EPHB6: variants seen among roughly 807,000 people sequenced by gnomAD.
The protein encoded by EPHB6 is EPH receptor B6.
Under a neutral mutation model 107.0 loss-of-function variants are expected in EPHB6, and 51 were observed. The observed-to-expected ratio is 0.48, with a 90% CI of 0.38 to 0.60. EPHB6 has a LOEUF of 0.60. Among genes scored for constraint, EPHB6 ranks in the 20% least tolerant of loss-of-function variants. EPHB6 has a pLI of 0.00. For synonymous variants in EPHB6, 553 were observed against 549.0 expected (o/e 1.01, Z -0.10); for missense variants, 1,141 against 1,355.5 (o/e 0.84, Z 2.48).
chr7:142,857,533 T>A (rs1248993370), intron 1 of EPHB6, among the ~76,000 whole-genome samples: 1 of 152,232 alleles, frequency 6.6e-6, no homozygotes, highest in Non-Finnish European at 1.5e-5. Flanking sequence ...CCTGTGGTAC[T>A]GACCCCTCCC....
In EPHB6 at chr7:142,864,767, T is replaced by C. The variant is rs751882137; in HGVS notation, c.949+18T>C. 2.5e-6 allele frequency: 4 copies of C among 1,612,642 alleles called. No homozygotes were observed. In the East Asian group the frequency reaches 8.9e-5, roughly 36 times the overall value. ...CTGCCAAGGTGAGAGCCCACTCGTCTTGCACTTGCCCGACACCTCCCACCC... is the reference window on the plus strand; with the variant it reads ...CTGCCAAGGTGAGAGCCCACTCGTCCTGCACTTGCCCGACACCTCCCACCC... On this transcript the variant is annotated intron_variant, in intron 7 of 19. Coordinates refer to ENST00000652003, the MANE Select transcript of EPHB6 (RefSeq NM_004445.6).
At chr7:142,870,432 G>T (rs762085107) in intron 18 of EPHB6, 25 bp downstream of exon 18, 7 of 1,613,832 alleles carry the variant, frequency 4.3e-6, no homozygotes, top group Non-Finnish European at 5.1e-6. Flanking sequence ...GCTAGAGCCT[G>T]GGAAAGCCAG....
Position 142,864,129 on chromosome 7 carries a change from C to T in EPHB6, c.329C>T (p.Ser110Phe). ...AGGGCGCACATTCGACTCCACTTCT[C>T]TGTGCGGGCATGCTCCAGCCTGGGT... ...AQRAHIRLHF[S>F]VRACSSLGVS... Residue 110 changes from serine (S) to phenylalanine (F), a missense_variant, in exon 7 of 20, where the codon TCT becomes TTT. Physicochemically the swap from Ser to Phe is radical, Grantham distance 155. Around this residue, in one of 3 missense-constraint regions of EPHB6, gnomAD observed 221 missense variants for 300.5 expected, o/e 0.74. Coordinates refer to ENST00000652003, the MANE Select transcript of EPHB6 (RefSeq NM_004445.6). The T allele has an allele frequency of 1.9e-6, 3 of 1,614,052 alleles. No individual in the cohort carries two copies. The highest frequency in any genetic ancestry group is 2.5e-6 in the Non-Finnish European group (3 of 1,180,042).
chr7:142,868,993 G>A lies in EPHB6; in HGVS notation c.2306G>A (p.Ser769Asn), dbSNP rs1172153342. Residue 769 changes from serine to asparagine, a missense_variant, in exon 16 of 20, where the codon AGC becomes AAC. Ser to Asn is a conservative substitution (Grantham distance 46). This residue lies in a region of EPHB6 where 616 missense variants were observed against 759.3 expected (regional missense o/e 0.81). Coordinates refer to ENST00000652003, the MANE Select transcript of EPHB6 (RefSeq NM_004445.6). The surrounding 1 kb of genome is among the most constrained non-coding windows in gnomAD (Gnocchi z 4.2). ...CCTCAGCAGCGGGAGGGCCAGTTCA[G>A]CAGCCTGCAGCTGGTGGCCATGCAG... The part of the protein sequence containing the change: ...SFLRQREGQF[S>N]SLQLVAMQRG... 6.2e-7 allele frequency: 1 copy of A among 1,610,250 alleles called. No homozygotes were observed. The highest frequency in any genetic ancestry group is 8.5e-7 in the Non-Finnish European group (1 of 1,179,892).
At position 142,866,960 on chromosome 7, in the gene EPHB6, G is replaced by A. The variant is rs1239476843; in HGVS notation, c.1642G>A (p.Val548Met). 5 of 1,614,130 alleles carry A rather than the reference G, an allele frequency of 3.1e-6. No individual in the cohort carries two copies. Among genetic ancestry groups the A allele is most frequent in the South Asian group, 1.1e-5 (1 of 91,074 alleles). Residue 548 changes from valine to methionine, a missense_variant, in exon 11 of 20, where the codon GTG (valine) becomes ATG (methionine). By Grantham distance (21) the Val-to-Met change is conservative (BLOSUM62 1). Transcript: ENST00000652003. The surrounding 1 kb of genome is among the most constrained non-coding windows in gnomAD (Gnocchi z 5.2). Reference sequence around the variant, plus strand: ...GACCAGCGAGACCAACACTGCCACCGTGACACAGCTGAGCCCTGGCCACAT... The same window carrying A: ...GACCAGCGAGACCAACACTGCCACCATGACACAGCTGAGCCCTGGCCACAT... The part of the protein sequence containing the change: ...TLTSETNTAT[V>M]TQLSPGHIYG...
intron 17 of EPHB6, 101 bp from the exon 18 acceptor site, chr7:142,870,113 A>T (rs1794827109): frequency 1.3e-6 from 2 of 1,584,554 alleles, no homozygotes; most frequent in Non-Finnish European, 1.7e-6. Context: ...CTCCACTCCA[A>T]CCTCATGCTC....
At chr7:142,859,768 T>G (rs1238466310) in intron 1 of EPHB6, among the ~76,000 whole-genome samples, 1 of 152,260 alleles carries the variant, frequency 6.6e-6, no homozygotes, top group Non-Finnish European at 1.5e-5. Context: ...TCTTTGTTCT[T>G]AGTAAAATTT....
At position 142,865,505 on chromosome 7, in the gene EPHB6, C is replaced by G; in HGVS notation, c.980C>G (p.Ala327Gly). 6.2e-7 allele frequency: 1 copy of G among 1,613,320 alleles called. No homozygotes were observed. Among genetic ancestry groups the G allele is most frequent in the Non-Finnish European group, 8.5e-7 (1 of 1,180,002 alleles). ...CCACGGGGGCTCTATAAGGCTTCTG[C>G]TGGGAATGCTCCCTGCTCACCATGC... ...ACPRGLYKASAGNAPCSPCPA... is the reference protein window; with the variant it reads ...ACPRGLYKASGGNAPCSPCPA... The change falls in exon 8 of 20, where the codon GCT becomes GGT. Residue 327 changes from alanine to glycine, a missense_variant. By Grantham distance (60) the Ala-to-Gly change is moderately conservative. Coordinates refer to ENST00000652003, the MANE Select transcript of EPHB6 (RefSeq NM_004445.6).
At position 142,864,556 on chromosome 7, in the gene EPHB6, G is replaced by A; in HGVS notation, c.756G>A (p.Gly252=). The change falls in exon 7 of 20, where the codon GGG becomes GGA. Residue 252 remains glycine (G), a synonymous_variant. Coordinates refer to ENST00000652003, the MANE Select transcript of EPHB6 (RefSeq NM_004445.6). ...SFPETQASGA[G]GASLVAAVGT... is the part of the protein sequence containing the mutation. ...CAGAGACGCAGGCCAGTGGGGCTGG[G>A]GGGGCCTCCCTGGTGGCAGCTGTGG... is the stretch of plus-strand genomic sequence containing the variant. 6.2e-7 allele frequency: 1 copy of A among 1,613,250 alleles called. No homozygotes were observed.
intron 5 of EPHB6, 134 bp downstream of exon 5, chr7:142,863,461 A>G: frequency 8.5e-7 from 1 of 1,171,904 alleles, no homozygotes; most frequent in Non-Finnish European, 1.3e-6. Flanking sequence ...AGGATAATGA[A>G]GACCCACATC....
intron 3 of EPHB6, among the ~76,000 whole-genome samples, chr7:142,862,482 C>T (rs1802887408): frequency 6.6e-6 from 1 of 152,224 alleles, no homozygotes; most frequent in South Asian, 2.1e-4. Flanking sequence ...CTCCATAGCT[C>T]TGCCCCCTCC....
At position 142,868,045 on chromosome 7, in the gene EPHB6, C is replaced by T. The variant is rs762514667; in HGVS notation, c.1914C>T (p.Ser638=). Residue 638 remains serine (S), a synonymous_variant, in exon 13 of 20, where the codon AGC becomes AGT. Coordinates refer to ENST00000652003, the MANE Select transcript of EPHB6 (RefSeq NM_004445.6). This position sits in a 1 kb window ranked among gnomAD's most constrained non-coding sequence, Gnocchi z 4.2. The stretch of plus-strand genomic sequence containing the variant: ...CAGAGCAGCTGCAGCAATACAGCAG[C>T]CCAGGTGGGGATGAGGAGAGGAAAT... ...GYTEQLQQYS[S]PGLGVKYYID... is the part of the protein sequence containing the mutation. 5 of 1,600,368 alleles carry T rather than the reference C, an allele frequency of 3.1e-6. No individual in the cohort carries two copies. Among genetic ancestry groups the T allele is most frequent in the Non-Finnish European group, 4.3e-6 (5 of 1,173,374 alleles).
intron 1 of EPHB6, among the ~76,000 whole-genome samples, chr7:142,859,091 G>A (rs1178124365): frequency 6.6e-6 from 1 of 152,156 alleles, no homozygotes; most frequent in East Asian, 1.9e-4. Flanking sequence ...TTTTTCTAAA[G>A]GAGATAAGTT....
chr7:142,866,958 C>T lies in EPHB6; in HGVS notation c.1640C>T (p.Thr547Ile). 1 of 1,614,150 alleles carries T rather than the reference C, an allele frequency of 6.2e-7. No individual in the cohort carries two copies. The highest frequency in any genetic ancestry group is 1.1e-5 in the South Asian group (1 of 91,072). ...FTLTSETNTA[T>I]VTQLSPGHIY... ...CTGACCAGCGAGACCAACACTGCCACCGTGACACAGCTGAGCCCTGGCCAC... is the reference window on the plus strand; with the variant it reads ...CTGACCAGCGAGACCAACACTGCCATCGTGACACAGCTGAGCCCTGGCCAC... The change falls in exon 11 of 20, where the codon ACC becomes ATC. Residue 547 changes from threonine (T) to isoleucine (I), a missense_variant. Physicochemically the swap from Thr to Ile is moderately conservative, Grantham distance 89. Around this residue, in one of 3 missense-constraint regions of EPHB6, gnomAD observed 616 missense variants for 759.3 expected, o/e 0.81. Transcript: ENST00000652003. This position sits in a 1 kb window ranked among gnomAD's most constrained non-coding sequence, Gnocchi z 5.2.
Position 142,870,539 on chromosome 7 carries a change from G to C in EPHB6, c.2814G>C (p.Gln938His). The change falls in exon 19 of 20, where the codon CAG becomes CAC. Residue 938 changes from glutamine (Q) to histidine (H), a missense_variant. Coordinates refer to ENST00000652003, the MANE Select transcript of EPHB6 (RefSeq NM_004445.6). ...GCCCCTCCCCTCTTAGGCCTTCCCA[G>C]GCCCTTCTGACCCCTGTGGCCCTGG... ...AGGDPGERPS[Q>H]ALLTPVALDF... 1.2e-6 allele frequency: 2 copies of C among 1,614,218 alleles called. No homozygotes were observed. The highest frequency in any genetic ancestry group is 2.2e-5 in the East Asian group (1 of 44,880).
Position 142,869,236 on chromosome 7 carries a change from A to G in EPHB6, c.2460+89A>G. The G allele has an allele frequency of 6.8e-7, 1 of 1,465,902 alleles. No homozygotes were observed. Among genetic ancestry groups the G allele is most frequent in the Non-Finnish European group, 9.4e-7 (1 of 1,063,168 alleles). 90.8% of individuals were successfully genotyped at this position (1,465,902 alleles called of 1,614,324 possible). ...TCGGGGGTGAGCTGGAATCTGGGGT[A>G]GGTACCTCAGCCGGGGTGTCATAGT... On this transcript the variant is annotated intron_variant, in intron 16 of 19. Coordinates refer to ENST00000652003, the MANE Select transcript of EPHB6 (RefSeq NM_004445.6). This position sits in a 1 kb window ranked among gnomAD's most constrained non-coding sequence, Gnocchi z 4.5.
At chr7:142,861,477 T>C (rs925510992) in intron 2 of EPHB6, among the ~76,000 whole-genome samples, 1 of 152,224 alleles carries the variant, frequency 6.6e-6, no homozygotes, top group Admixed American at 6.5e-5. Context: ...TTGCACTGGG[T>C]CTCAGTCCAC....
chr7:142,858,916 C>T (rs1158413092), intron 1 of EPHB6, among the ~76,000 whole-genome samples: 1 of 152,116 alleles, frequency 6.6e-6, no homozygotes, highest in Non-Finnish European at 1.5e-5. Flanking sequence ...AGTGATATAT[C>T]TATAAAAGAA....
At position 142,870,834 on chromosome 7, in the gene EPHB6, A is replaced by C. The variant is rs1214820807; in HGVS notation, c.2999A>C (p.Gln1000Pro). 2 of 1,613,990 alleles carry C rather than the reference A, an allele frequency of 1.2e-6. No individual in the cohort carries two copies. Among genetic ancestry groups the C allele is most frequent in the Non-Finnish European group, 1.7e-6 (2 of 1,179,986 alleles). The change falls in exon 20 of 20, where the codon CAG (glutamine) becomes CCG (proline). Residue 1000 changes from glutamine to proline, a missense_variant. Transcript: ENST00000652003. ...CTGGGCATCACCCTGGCTGGCCACCAGAAGAAGCTGCTGCACCACATCCAG... is the reference window on the plus strand; with the variant it reads ...CTGGGCATCACCCTGGCTGGCCACCCGAAGAAGCTGCTGCACCACATCCAG... ...PALGITLAGHQKKLLHHIQLL... is the reference protein window; with the variant it reads ...PALGITLAGHPKKLLHHIQLL...
Sources: allele counts gnomAD v4.1 joint callset (sites outside exome capture counted in the v4.1 genomes callset), GRCh38; gene constraint gnomAD v4.1.1; regional missense constraint gnomAD v4.1.1; non-coding constraint Gnocchi (gnomAD v3.1); transcripts MANE v1.5; gene names NCBI Gene and HGNC (gene_info 2026-07-23, HGNC 2026-07-21).